Variants in STAT5A observed in about 807,000 individuals in gnomAD.
The protein encoded by STAT5A is epididymis secretory sperm binding protein.
A neutral mutation model predicts 100.2 loss-of-function variants in STAT5A; 26 were observed. That is an observed-to-expected ratio of 0.26 (90% CI 0.19 to 0.36). The LOEUF is 0.36. Among genes scored for constraint, STAT5A ranks in the 10% least tolerant of loss-of-function variants. STAT5A has a pLI of 1.00. For synonymous variants in STAT5A, 330 were observed against 424.3 expected (o/e 0.78, Z 2.73); for missense variants, 634 against 1,027.5 (o/e 0.62, Z 5.24).
intron 9 of STAT5A, among the ~76,000 whole-genome samples, chr17:42,302,952 A>C (rs59840797): frequency 7.5e-6 from 1 of 134,156 alleles, no homozygotes; most frequent in Non-Finnish European, 1.6e-5. Flanking sequence ...GACTCTGTTT[A>C]AAAAAAAAAA....
rs894414435 is a variant in STAT5A at position 42,308,838 on chromosome 17, C to A, written c.2063-209C>A. The A allele has an allele frequency of 6.4e-6, 4 of 622,130 alleles. No individual in the cohort carries two copies. The highest frequency in any genetic ancestry group is 1.1e-5 in the Non-Finnish European group (4 of 353,450). 38.5% of individuals were successfully genotyped at this position (622,130 alleles called of 1,614,324 possible). On this transcript the variant is annotated intron_variant, in intron 16 of 18. Coordinates refer to ENST00000590949, the MANE Select transcript of STAT5A (RefSeq NM_001288718.2). This position sits in a 1 kb window ranked among gnomAD's most constrained non-coding sequence, Gnocchi z 4.6. ...GGAAATCAGATGGCCAGAAAAAGAA[C>A]CAGAAGGAATGGGATTCAAGCCAGG...
chr17:42,296,826 G>A (rs9907571), intron 5 of STAT5A, among the ~76,000 whole-genome samples: 39,142 of 152,058 alleles, frequency 0.26, 5,308 homozygotes, highest in South Asian at 0.41. Flanking sequence ...TTCTATTGTA[G>A]CTATTTAAGC....
At position 42,289,953 on chromosome 17, in the gene STAT5A, G is replaced by A. The variant is rs1164459248; in HGVS notation, c.216G>A (p.Ala72=). ...EGLVQELQKK[A]EHQVGEDGFL... is the part of the protein sequence containing the mutation. ...TGGTGCAGGAGCTGCAGAAGAAGGC[G>A]GAGCACCAGGTGGGGGAAGATGGGT... The change falls in exon 3 of 19, where the codon GCG becomes GCA. Residue 72 remains alanine (A), a synonymous_variant. Transcript: ENST00000590949. 11 of 1,610,092 alleles carry A rather than the reference G, an allele frequency of 6.8e-6. No individual in the cohort carries two copies. Among genetic ancestry groups the A allele is most frequent in the Middle Eastern group, 1.7e-4 (1 of 5,824 alleles).
chr17:42,309,215 C>G, intron 17 of STAT5A, 117 bp downstream of exon 17: 3 of 1,586,782 alleles, frequency 1.9e-6, no homozygotes. Flanking sequence ...TGTCTCAGCC[C>G]TGGGGAGGGA....
chr17:42,307,402 G>A lies in STAT5A; in HGVS notation c.1681G>A (p.Glu561Lys). ...GACTCGGGGGTTCCTGGGCCCTCAG[G>A]AGAACTTGCCGGGCTGGAACTACAC... Reference protein sequence around the residue: ...LSVSWSQFNRENLPGWNYTFW... With the variant: ...LSVSWSQFNRKNLPGWNYTFW... Residue 561 changes from glutamate to lysine, a missense_variant and splice_region_variant, in exon 14 of 19, where the codon GAG becomes AAG. Transcript: ENST00000590949. 6.2e-7 allele frequency: 1 copy of A among 1,613,772 alleles called. No individual in the cohort carries two copies. Among genetic ancestry groups the A allele is most frequent in the Non-Finnish European group, 8.5e-7 (1 of 1,179,852 alleles).
chr17:42,298,068 G>A (rs1307852698), intron 5 of STAT5A, among the ~76,000 whole-genome samples: 1 of 151,878 alleles, frequency 6.6e-6, no homozygotes, highest in Non-Finnish European at 1.5e-5. Context: ...TGCGGTGGTG[G>A]TTGTAACTGT....
At chr17:42,293,469 T>A (rs1194488673) in intron 4 of STAT5A, among the ~76,000 whole-genome samples, 1 of 152,196 alleles carries the variant, frequency 6.6e-6, no homozygotes, top group Admixed American at 6.5e-5. Context: ...CCTCCCGAAG[T>A]GCTGGGATTA....
In STAT5A at chr17:42,306,324, G is replaced by A; in HGVS notation, c.1557G>A (p.Val519=). Reference sequence around the variant, plus strand: ...TCAACATGAAATTCAAGGCCGAAGTGCAGAGCAACCGGGGCCTGACCAAGG... The same window carrying A: ...TCAACATGAAATTCAAGGCCGAAGTACAGAGCAACCGGGGCCTGACCAAGG... The part of the protein sequence containing the change: ...EALNMKFKAE[V]QSNRGLTKEN... Residue 519 remains valine (V), a synonymous_variant, in exon 13 of 19, where the codon GTG becomes GTA. Coordinates refer to ENST00000590949, the MANE Select transcript of STAT5A (RefSeq NM_001288718.2). 1 of 1,614,118 alleles carries A rather than the reference G, an allele frequency of 6.2e-7. No homozygotes were observed. Among genetic ancestry groups the A allele is most frequent in the Non-Finnish European group, 8.5e-7 (1 of 1,179,970 alleles).
upstream of STAT5A, chr17:42,288,457 G>A (rs957750895): frequency 2.0e-5 from 3 of 152,484 alleles, no homozygotes; most frequent in African/African-American, 7.2e-5. This position sits in a 1 kb window ranked among gnomAD's most constrained non-coding sequence, Gnocchi z 4.8. Flanking sequence ...GCAGGCAGCT[G>A]ACCTTTGAGG....
rs1297988744 is a variant in STAT5A at position 42,289,505 on chromosome 17, C to T, written c.94C>T (p.His32Tyr). Residue 32 changes from histidine to tyrosine, a missense_variant, in exon 2 of 19, where the codon CAC (histidine) becomes TAC (tyrosine). Physicochemically the swap from His to Tyr is moderately conservative, Grantham distance 83. Around this residue, in one of 5 missense-constraint regions of STAT5A, gnomAD observed 207 missense variants for 256.6 expected, o/e 0.81. Coordinates refer to ENST00000590949, the MANE Select transcript of STAT5A (RefSeq NM_001288718.2). Reference protein sequence around the residue: ...YGQHFPIEVRHYLAQWIESQP... With the variant: ...YGQHFPIEVRYYLAQWIESQP... ...CCAGCACTTCCCCATCGAGGTCCGG[C>T]ACTACTTGGCCCAGTGGATTGAGAG... 6.2e-7 allele frequency: 1 copy of T among 1,613,308 alleles called. No individual in the cohort carries two copies. The highest frequency in any genetic ancestry group is 8.5e-7 in the Non-Finnish European group (1 of 1,179,944).
At position 42,297,344 on chromosome 17, in the gene STAT5A, G is replaced by A. The variant is rs12453256; in HGVS notation, c.550+1551G>A. 7.8e-3 allele frequency among the ~76,000 whole-genome samples: 1,185 copies of A among 152,284 alleles called. 6 individuals are homozygous for A. Among genetic ancestry groups the A allele is most frequent in the Non-Finnish European group, 0.011 (764 of 68,032 alleles). ...TGAGAATGGAAACGGAAGATTTTGG[G>A]CGGTTATTCCTACCCAAGTCCTTAG... is the stretch of plus-strand genomic sequence containing the variant. On this transcript the variant is annotated intron_variant, in intron 5 of 18. Transcript: ENST00000590949.
rs2230124 is a variant in STAT5A, at chr17:42,306,423, C to T, written c.1656C>T (p.Ser552=). The part of the protein sequence containing the change: ...SSHLEDYSGL[S]VSWSQFNREN... The stretch of plus-strand genomic sequence containing the variant: ...ACCTGGAGGACTACAGTGGCCTGTC[C>T]GTGTCCTGGTCCCAGTTCAACAGGG... Residue 552 remains serine (S), a synonymous_variant, in exon 13 of 19, where the codon TCC becomes TCT. Coordinates refer to ENST00000590949, the MANE Select transcript of STAT5A (RefSeq NM_001288718.2). 1.6e-4 allele frequency: 252 copies of T among 1,613,484 alleles called. 1 individual carries two copies. The African/African-American group carries it at 2.4e-3, about 16-fold the overall frequency.
intron 2 of STAT5A, 50 bp downstream of exon 2, chr17:42,289,589 C>A: frequency 1.9e-6 from 3 of 1,586,230 alleles, no homozygotes; most frequent in South Asian, 1.1e-5. Flanking sequence ...ACCATCCAGG[C>A]CCTTTGGCCT....
At position 42,292,080 on chromosome 17, in the gene STAT5A, TG is replaced by T. The variant is rs1435876900; in HGVS notation, c.375+23del. Reference sequence around the variant, plus strand: ...CAACAATGTGAGTGTCCCTTGGGGATGGGGAGGAGTGTTGAGAAGTCCCTCC... The same window carrying T: ...CAACAATGTGAGTGTCCCTTGGGGATGGGAGGAGTGTTGAGAAGTCCCTCC... On this transcript the variant is annotated intron_variant, in intron 4 of 18. Transcript: ENST00000590949. The T allele has an allele frequency of 1.2e-6, 2 of 1,613,058 alleles. No individual in the cohort carries two copies. The highest frequency in any genetic ancestry group is 1.7e-6 in the Non-Finnish European group (2 of 1,179,356).
chr17:42,290,749 C>G (rs949660125), intron 3 of STAT5A, among the ~76,000 whole-genome samples: 1 of 152,186 alleles, frequency 6.6e-6, no homozygotes, highest in African/African-American at 2.4e-5. Context: ...TGCTCTCTCA[C>G]TTGGTTGCGT....
In STAT5A at chr17:42,308,252, G is replaced by T; in HGVS notation, c.1981G>T (p.Gly661Trp). 6.2e-7 allele frequency: 1 copy of T among 1,614,190 alleles called. No homozygotes were observed. The highest frequency in any genetic ancestry group is 8.5e-7 in the Non-Finnish European group (1 of 1,180,016). Residue 661 changes from glycine to tryptophan, a missense_variant, in exon 16 of 19, where the codon GGG (glycine) becomes TGG (tryptophan). Coordinates refer to ENST00000590949, the MANE Select transcript of STAT5A (RefSeq NM_001288718.2). This position sits in a 1 kb window ranked among gnomAD's most constrained non-coding sequence, Gnocchi z 4.6. ...CATCAGGTCCCTGGCTGACCGGCTG[G>T]GGGACCTGAGCTATCTCATCTATGT... ...FSIRSLADRL[G>W]DLSYLIYVFP...
At chr17:42,299,109 C>T (rs1026779523) in intron 5 of STAT5A, among the ~76,000 whole-genome samples, 2 of 152,130 alleles carry the variant, frequency 1.3e-5, no homozygotes, top group East Asian at 1.9e-4. Context: ...ACAGAGCCGC[C>T]GGGGCTGGGG....
At position 42,301,138 on chromosome 17, in the gene STAT5A, C is replaced by G. The variant is rs546803485; in HGVS notation, c.990-137C>G. On this transcript the variant is annotated intron_variant, in intron 8 of 18. Coordinates refer to ENST00000590949, the MANE Select transcript of STAT5A (RefSeq NM_001288718.2). ...TCTCCCTGGACTCTCACAGCTTCCCCGGGAACAGAGGTTGTGCCCGAGCTC... is the reference window on the plus strand; with the variant it reads ...TCTCCCTGGACTCTCACAGCTTCCCGGGGAACAGAGGTTGTGCCCGAGCTC... 5 of 1,433,114 alleles carry G rather than the reference C, an allele frequency of 3.5e-6. No homozygotes were observed. In the East Asian group the frequency reaches 9.2e-5, roughly 26 times the overall value. The allele number at this position is 1,433,114 out of a possible 1,614,324, so 88.8% of individuals were successfully genotyped here. A position where few individuals can be genotyped will look rare whatever the true frequency, so the allele number is the denominator to read the frequency against.
At chr17:42,295,920 A>G in intron 5 of STAT5A, 127 bp downstream of exon 5, 1 of 1,389,006 alleles carries the variant, frequency 7.2e-7, no homozygotes, top group Non-Finnish European at 9.9e-7. Flanking sequence ...GGTAGAAGCA[A>G]TGGCTCCCGG....
Sources: gnomAD v4.1 joint callset for allele counts (sites outside exome capture counted in the v4.1 genomes callset) on GRCh38, gnomAD v4.1.1 for gene constraint, gnomAD v4.1.1 regional missense constraint, Gnocchi (gnomAD v3.1) non-coding constraint, MANE v1.5 for transcripts, NCBI Gene and HGNC (gene_info 2026-07-23, HGNC 2026-07-21) for gene names.